Variants in MAP2K5 observed in about 807,000 individuals in gnomAD.
MAP2K5 encodes mitogen-activated protein kinase kinase 5.
Under a neutral mutation model 83.1 loss-of-function variants are expected in MAP2K5, and 49 were observed. The ratio of observed to expected loss-of-function variants is 0.59; its 90% CI spans 0.47 to 0.75. The LOEUF is 0.75. MAP2K5 is among the 30% of genes least tolerant of loss of function. The pLI is 0.00. For synonymous variants in MAP2K5, 202 were observed against 191.8 expected (o/e 1.05, Z -0.44); for missense variants, 457 against 557.5 (o/e 0.82, Z 1.82).
intron 21 of MAP2K5, among the ~76,000 whole-genome samples, chr15:67,773,372 A>C (rs1166521209): frequency 6.6e-6 from 1 of 152,208 alleles, no homozygotes; most frequent in Admixed American, 6.5e-5. Context: ...TTGACAATGC[A>C]CAAGCTGTTA....
At position 67,779,390 on chromosome 15, in the gene MAP2K5, G is replaced by A. The variant is rs982067541; in HGVS notation, c.1242+6638G>A. Among the ~76,000 whole-genome samples the A allele has an allele frequency of 6.6e-6, 1 of 152,178 alleles. No individual in the cohort carries two copies. The highest frequency in any genetic ancestry group is 6.5e-5 in the Admixed American group (1 of 15,276). On this transcript the variant is annotated intron_variant, in intron 21 of 21. Coordinates refer to ENST00000178640, the MANE Select transcript of MAP2K5 (RefSeq NM_145160.3). The surrounding 1 kb of genome is among the most constrained non-coding windows in gnomAD (Gnocchi z 4.6). ...GACAGCTTTAATTTGAATTTTTGAT[G>A]ACACATTAGCACTTCAGCAAGAACA...
rs185173123 is a variant in MAP2K5 at position 67,605,944 on chromosome 15, C to T, written c.545+5195C>T. 1.9e-4 allele frequency among the ~76,000 whole-genome samples: 29 copies of T among 152,282 alleles called. No homozygotes were observed. In the East Asian group the frequency reaches 2.7e-3, roughly 14 times the overall value. ...TATCCACACTGAGGAGATTGATATT[C>T]GAATGATTAACTTTCTTTAAAATGT... On this transcript the variant is annotated intron_variant, in intron 8 of 21. Coordinates refer to ENST00000178640, the MANE Select transcript of MAP2K5 (RefSeq NM_145160.3).
intron 9 of MAP2K5, among the ~76,000 whole-genome samples, chr15:67,643,869 G>C (rs1343069227): frequency 6.6e-6 from 1 of 151,910 alleles, no homozygotes; most frequent in African/African-American, 2.4e-5. Flanking sequence ...TTCTTTCCTT[G>C]CTCTATTAGC....
chr15:67,781,449 A>C lies in MAP2K5; in HGVS notation c.1242+8697A>C, dbSNP rs961361030. Among the ~76,000 whole-genome samples the C allele has an allele frequency of 3.9e-5, 6 of 152,174 alleles. No individual in the cohort carries two copies. The highest frequency in any genetic ancestry group is 1.4e-4 in the African/African-American group (6 of 41,438). On this transcript the variant is annotated intron_variant, in intron 21 of 21. Coordinates refer to ENST00000178640, the MANE Select transcript of MAP2K5 (RefSeq NM_145160.3). This position sits in a 1 kb window ranked among gnomAD's most constrained non-coding sequence, Gnocchi z 4.0. ...TATTTGGGGGGCCAAATCTGCCTGC[A>C]GATAATTTGAGGTTCACTTGGCCAT...
chr15:67,623,598 CTTT>C (rs369601076), intron 8 of MAP2K5, among the ~76,000 whole-genome samples: 2 of 142,208 alleles, frequency 1.4e-5, no homozygotes, highest in Non-Finnish European at 1.5e-5. Context: ...TACTATCTTC[CTTT>C]TTTTTTTTTT....
intron 8 of MAP2K5, among the ~76,000 whole-genome samples, chr15:67,614,025 C>T (rs1463590852): frequency 6.6e-6 from 1 of 152,132 alleles, no homozygotes; most frequent in Admixed American, 6.5e-5. Flanking sequence ...TCAACACTGA[C>T]CATATCCAGA....
intron 19 of MAP2K5, among the ~76,000 whole-genome samples, chr15:67,752,190 C>T (rs913871636): frequency 3.8e-4 from 57 of 152,000 alleles, no homozygotes; most frequent in African/African-American, 1.2e-3. Context: ...CCCAGCCTCC[C>T]GAGTAGCTGG....
chr15:67,664,288 C>T (rs2087313663), intron 12 of MAP2K5, among the ~76,000 whole-genome samples: 1 of 134,208 alleles, frequency 7.5e-6, no homozygotes, highest in South Asian at 2.4e-4. Context: ...AAGCCCAGGA[C>T]TTCAAGACCA....
intron 9 of MAP2K5, among the ~76,000 whole-genome samples, chr15:67,643,692 C>T (rs945635381): frequency 6.6e-6 from 1 of 152,062 alleles, no homozygotes; most frequent in South Asian, 2.1e-4. Flanking sequence ...GTGATCTGCC[C>T]GCCTCAGCCT....
intron 8 of MAP2K5, among the ~76,000 whole-genome samples, chr15:67,630,653 G>C (rs991289955): frequency 2.6e-5 from 4 of 152,188 alleles, no homozygotes; most frequent in Non-Finnish European, 4.4e-5. Flanking sequence ...TCTATAAAAG[G>C]AGGATAATAA....
rs1468514660 is a variant in MAP2K5 at position 67,692,494 on chromosome 15, A to G, written c.863A>G (p.Asn288Ser). The G allele has an allele frequency of 6.2e-7, 1 of 1,613,584 alleles. No homozygotes were observed. Among genetic ancestry groups the G allele is most frequent in the Non-Finnish European group, 8.5e-7 (1 of 1,179,586 alleles). ...CCCTTTTTAGACGTGAAGCCCTCCA[A>G]TATGCTAGTAAACACAAGAGGACAG... is the stretch of plus-strand genomic sequence containing the variant. ...KILHRDVKPS[N>S]MLVNTRGQVK... is the part of the protein sequence containing the mutation. The change falls in exon 14 of 22, where the codon AAT becomes AGT. Residue 288 changes from asparagine to serine, a missense_variant. By Grantham distance (46) the Asn-to-Ser change is conservative. Around this residue, in one of 3 missense-constraint regions of MAP2K5, gnomAD observed 168 missense variants for 263.0 expected, o/e 0.64. Coordinates refer to ENST00000178640, the MANE Select transcript of MAP2K5 (RefSeq NM_145160.3).
At chr15:67,684,196 A>G (rs2087890925) in intron 13 of MAP2K5, among the ~76,000 whole-genome samples, 1 of 152,164 alleles carries the variant, frequency 6.6e-6, no homozygotes, top group Non-Finnish European at 1.5e-5. Flanking sequence ...ACAACCAACT[A>G]CTGTTTAGAA....
At chr15:67,723,511 G>A (rs997953682) in intron 16 of MAP2K5, among the ~76,000 whole-genome samples, 2 of 152,056 alleles carry the variant, frequency 1.3e-5, no homozygotes, top group African/African-American at 2.4e-5. Context: ...CATAATAAAC[G>A]TCCCGCAAGA....
chr15:67,679,109 G>C (rs946506637), intron 13 of MAP2K5, among the ~76,000 whole-genome samples: 3 of 152,148 alleles, frequency 2.0e-5, no homozygotes, highest in African/African-American at 7.2e-5. Context: ...CCAGATCCTA[G>C]CCAAGGGTAA....
intron 19 of MAP2K5, among the ~76,000 whole-genome samples, chr15:67,754,489 G>A (rs998975423): frequency 1.8e-4 from 28 of 152,148 alleles, no homozygotes; most frequent in African/African-American, 6.5e-4. Flanking sequence ...GCCAGGTGCC[G>A]AGATAAATCC....
At chr15:67,797,404 G>A (rs2090623315) in intron 21 of MAP2K5, among the ~76,000 whole-genome samples, 1 of 152,156 alleles carries the variant, frequency 6.6e-6, no homozygotes, top group Admixed American at 6.5e-5. Flanking sequence ...TTTGTTCTAG[G>A]ATTGGCTTCC....
intron 3 of MAP2K5, among the ~76,000 whole-genome samples, chr15:67,568,198 G>A (rs902839943): frequency 1.3e-5 from 2 of 152,106 alleles, no homozygotes; most frequent in South Asian, 2.1e-4. Flanking sequence ...CCCATTATGA[G>A]ACCTTGTATT....
chr15:67,626,751 T>G (rs951429257), intron 8 of MAP2K5, among the ~76,000 whole-genome samples: 3 of 151,322 alleles, frequency 2.0e-5, no homozygotes, highest in African/African-American at 7.3e-5. Flanking sequence ...TTAAAAAAAA[T>G]TAGCCAGGCA....
intron 9 of MAP2K5, among the ~76,000 whole-genome samples, chr15:67,639,502 G>C (rs1019868355): frequency 1.3e-5 from 2 of 152,192 alleles, no homozygotes; most frequent in Admixed American, 1.3e-4. Context: ...ATAAGTAGTG[G>C]AGCCAGGATT....
Sources: gnomAD v4.1 joint callset for allele counts (sites outside exome capture counted in the v4.1 genomes callset) on GRCh38, gnomAD v4.1.1 for gene constraint, gnomAD v4.1.1 regional missense constraint, Gnocchi (gnomAD v3.1) non-coding constraint, MANE v1.5 for transcripts, NCBI Gene and HGNC (gene_info 2026-07-23, HGNC 2026-07-21) for gene names.